The following ASB4 variants were observed in gnomAD, a reference collection of about 807,000 sequenced individuals.
ASB4 encodes ankyrin repeat and SOCS box containing 4, also known as ankyrin repeat and SOCS box protein 4.
In ASB4, 35 loss-of-function variants were observed where a neutral mutation model predicts 38.6. That is an observed-to-expected ratio of 0.91 (90% CI 0.69 to 1.20). The LOEUF (loss-of-function observed/expected upper bound fraction) is 1.20, where lower values mean the gene tolerates loss of function less well. Ranked by LOEUF, ASB4 falls within the 50% of genes most tolerant of loss-of-function variation. The pLI is 0.00. For missense variants in ASB4, 557 were observed against 527.2 expected (o/e 1.06, Z -0.55); for synonymous variants, 195 against 201.3 (o/e 0.97, Z 0.26).
intron 3 of ASB4, 66 bp from the exon 4 acceptor site, chr7:95,536,371 C>A: frequency 9.6e-7 from 1 of 1,040,280 alleles, no homozygotes; most frequent in Admixed American, 2.0e-5. Context: ...CTTGATGTCT[C>A]TGTGAGCAGA....
In ASB4 at chr7:95,538,191, C is replaced by A. The variant is rs117717453; in HGVS notation, c.*432C>A. Reference sequence around the variant, plus strand: ...ATTGGCCTCTTAAACTTGGTGTTTTCCCCCATTACCCCTTAGCAGTAATTA... The same window carrying A: ...ATTGGCCTCTTAAACTTGGTGTTTTACCCCATTACCCCTTAGCAGTAATTA... On this transcript the variant is annotated 3_prime_UTR_variant, in exon 5 of 5. Transcript: ENST00000325885. 3,524 of 154,554 alleles carry A rather than the reference C, an allele frequency of 0.023. 82 individuals carry two copies. The highest frequency in any genetic ancestry group is 0.058 in the Admixed American group (902 of 15,590). 9.6% of individuals were successfully genotyped at this position (154,554 alleles called of 1,614,324 possible).
rs192255191 is a variant in ASB4, at chr7:95,486,966, G to A, written c.187+808G>A. On this transcript the variant is annotated intron_variant, in intron 1 of 4. Transcript: ENST00000325885. ...AACGTGAGTAGTTAGATCATCTGGC[G>A]AGCATACTGCAAACATGCTGCTCAA... 1.7e-3 allele frequency among the ~76,000 whole-genome samples: 265 copies of A among 152,218 alleles called. 1 individual carries two copies. Among genetic ancestry groups the A allele is most frequent in the Non-Finnish European group, 3.2e-3 (221 of 68,022 alleles).
At chr7:95,481,181 T>C (rs1043612970), upstream of ASB4, among the ~76,000 whole-genome samples, 11 of 152,168 alleles carry the variant, frequency 7.2e-5, no homozygotes, top group African/African-American at 2.4e-4. Context: ...AAGAGCCTTG[T>C]TGACATTGAG....
At position 95,527,923 on chromosome 7, in the gene ASB4, A is replaced by G. The variant is rs1428724189; in HGVS notation, c.598A>G (p.Ile200Val). Residue 200 changes from isoleucine to valine, a missense_variant, in exon 3 of 5, where the codon ATA (isoleucine) becomes GTA (valine). Transcript: ENST00000325885. ...LVAFYVEHGA[I>V]VDSVNAHMET... ...GGCCTTCTACGTGGAACACGGGGCC[A>G]TAGTGGACAGCGTGAATGCCCACAT... 1.2e-6 allele frequency: 2 copies of G among 1,614,178 alleles called. No homozygotes were observed. The highest frequency in any genetic ancestry group is 1.7e-6 in the Non-Finnish European group (2 of 1,180,040).
intron 1 of ASB4, among the ~76,000 whole-genome samples, chr7:95,491,639 T>C (rs751224870): frequency 6.6e-6 from 1 of 152,238 alleles, no homozygotes; most frequent in African/African-American, 2.4e-5. Context: ...GCTGTGGTCA[T>C]TGGTGGTTAT....
rs192075576 is a variant in ASB4 at position 95,524,513 on chromosome 7, A to G, written c.488-3300A>G. On this transcript the variant is annotated intron_variant, in intron 2 of 4. Coordinates refer to ENST00000325885, the MANE Select transcript of ASB4 (RefSeq NM_016116.3). ...TTACAATAATTAAAAAAAACTGTAC[A>G]TATATATTTTATATACTATGTAACG... 5.3e-3 allele frequency among the ~76,000 whole-genome samples: 801 copies of G among 152,182 alleles called. 3 individuals carry two copies. Among genetic ancestry groups the G allele is most frequent in the African/African-American group, 0.017 (704 of 41,512 alleles).
chr7:95,508,991 T>A (rs1244470629), intron 2 of ASB4, among the ~76,000 whole-genome samples: 1 of 151,962 alleles, frequency 6.6e-6, no homozygotes, highest in East Asian at 1.9e-4. Context: ...TGACTGTGGG[T>A]TGGAGTCATC....
At chr7:95,511,898 G>A (rs181025268) in intron 2 of ASB4, among the ~76,000 whole-genome samples, 3 of 152,170 alleles carry the variant, frequency 2.0e-5, no homozygotes, top group African/African-American at 7.2e-5. Flanking sequence ...CCTTCCCTTT[G>A]CTACTTTAGA....
chr7:95,479,465 A>G (rs1368023012), intron 1 of ASB4, among the ~76,000 whole-genome samples: 1 of 152,214 alleles, frequency 6.6e-6, no homozygotes, highest in Non-Finnish European at 1.5e-5. Flanking sequence ...TTATAAAAGT[A>G]TAGTTTTAAT....
At chr7:95,549,635 G>A in the ASB4 span, among the ~76,000 whole-genome samples, 8 of 152,182 alleles carry the variant, frequency 5.3e-5, no homozygotes, top group African/African-American at 1.7e-4. Flanking sequence ...TTGTTCACAA[G>A]AACAGGTCTG....
chr7:95,500,471 CAGG>C (rs1456117072), intron 2 of ASB4, among the ~76,000 whole-genome samples: 1 of 144,142 alleles, frequency 6.9e-6, no homozygotes, highest in Non-Finnish European at 1.5e-5. Context: ...AAGGCTGAGG[CAGG>C]AGAATTGCTT....
chr7:95,502,114 AAAG>A (rs1372243442), intron 2 of ASB4, among the ~76,000 whole-genome samples: 4 of 151,842 alleles, frequency 2.6e-5, no homozygotes, highest in African/African-American at 9.7e-5. Context: ...ACTAAAAAAA[AAAG>A]AGAGAGAAAG....
chr7:95,471,285 C>A, the ASB4 span, among the ~76,000 whole-genome samples: 1 of 152,154 alleles, frequency 6.6e-6, no homozygotes, highest in Non-Finnish European at 1.5e-5. Flanking sequence ...TTTGCTTCCC[C>A]AGAGCTCCAG....
intron 1 of ASB4, among the ~76,000 whole-genome samples, chr7:95,488,200 G>A (rs1038852998): frequency 1.3e-5 from 2 of 152,156 alleles, no homozygotes; most frequent in Non-Finnish European, 2.9e-5. Context: ...AATTAGCCAG[G>A]CGCGGTGGCG....
At position 95,486,082 on chromosome 7, in the gene ASB4, G is replaced by T. The variant is rs567435117; in HGVS notation, c.111G>T (p.Leu37Phe). ...ACTTCGGAAAATTGAAGGCTATTTT[G>T]ATCCAAAGGCAAATAGATGTGGACA... ...SNDFGKLKAI[L>F]IQRQIDVDTV... The change falls in exon 1 of 5, where the codon TTG becomes TTT. Residue 37 changes from leucine (L) to phenylalanine (F), a missense_variant. Physicochemically the swap from Leu to Phe is conservative, Grantham distance 22. Coordinates refer to ENST00000325885, the MANE Select transcript of ASB4 (RefSeq NM_016116.3). The T allele has an allele frequency of 6.2e-7, 1 of 1,614,070 alleles. No homozygotes were observed. Among genetic ancestry groups the T allele is most frequent in the South Asian group, 1.1e-5 (1 of 91,058 alleles).
chr7:95,494,820 AAG>A (rs545117617), intron 1 of ASB4, among the ~76,000 whole-genome samples: 9 of 151,404 alleles, frequency 5.9e-5, no homozygotes, highest in Non-Finnish European at 7.4e-5. Context: ...AGTGGGAGAA[AAG>A]AGAGAGAGAG....
rs189537239 is a variant in ASB4, at chr7:95,492,635, C to T, written c.188-3123C>T. On this transcript the variant is annotated intron_variant, in intron 1 of 4. Transcript: ENST00000325885. ...TACATCAAAATGGTGTTTTCTTAAT[C>T]AGCTCTCTGCTGCTTCCTTTCTGGG... Among the ~76,000 whole-genome samples the T allele has an allele frequency of 8.5e-5, 13 of 152,302 alleles. No individual in the cohort carries two copies. The East Asian group carries it at 2.3e-3, about 27-fold the overall frequency.
At chr7:95,526,087 T>C (rs960092673) in intron 2 of ASB4, among the ~76,000 whole-genome samples, 1 of 152,164 alleles carries the variant, frequency 6.6e-6, no homozygotes, top group African/African-American at 2.4e-5. Flanking sequence ...GGTTTTCATA[T>C]AGTAAAAGAG....
intron 2 of ASB4, among the ~76,000 whole-genome samples, chr7:95,502,655 A>G (rs17717907): frequency 0.16 from 24,823 of 152,150 alleles, 2,568 homozygotes; most frequent in East Asian, 0.37. Context: ...GACCTGCAGT[A>G]CACTAGAAAT....
Sources: allele counts gnomAD v4.1 joint callset (sites outside exome capture counted in the v4.1 genomes callset), GRCh38; gene constraint gnomAD v4.1.1; transcripts MANE v1.5; gene names NCBI Gene and HGNC (gene_info 2026-07-23, HGNC 2026-07-21).